The following CLIP4 variants were observed in gnomAD, a reference collection of about 807,000 sequenced individuals.
CLIP4 encodes the protein CAP-Gly domain containing linker protein family member 4.
A neutral mutation model predicts 73.1 loss-of-function variants in CLIP4; 47 were observed. The observed-to-expected ratio is 0.64, with a 90% CI of 0.51 to 0.82. The LOEUF is 0.82. Ranked by LOEUF, CLIP4 falls within the 40% of genes least tolerant of loss-of-function variation. The pLI, the probability that CLIP4 is intolerant of heterozygous loss-of-function variation, is 0.00. For missense variants in CLIP4, 874 were observed against 852.9 expected (o/e 1.02, Z -0.31); for synonymous variants, 306 against 295.4 (o/e 1.04, Z -0.37).
At chr2:29,101,437 G>A (rs535081931) in intron 1 of CLIP4, among the ~76,000 whole-genome samples, 194 of 152,214 alleles carry the variant, frequency 1.3e-3, no homozygotes, top group African/African-American at 3.6e-3. Flanking sequence ...GGAGTCTAAT[G>A]TTCAAGGGCA....
chr2:29,141,050 A>AT lies in CLIP4; in HGVS notation c.649-2651dup, dbSNP rs139172886. 9.7e-3 allele frequency among the ~76,000 whole-genome samples: 1,480 copies of AT among 152,098 alleles called. 16 individuals carry two copies. The highest frequency in any genetic ancestry group is 0.048 in the East Asian group (247 of 5,168). On this transcript the variant is annotated intron_variant, in intron 6 of 15. Coordinates refer to ENST00000320081, the MANE Select transcript of CLIP4 (RefSeq NM_024692.6). ...TCTCTATTTTCATTTGTTTCAAAGG[A>AT]TTTTTTTTGAATTCTGCCTTAATTT... is the stretch of plus-strand genomic sequence containing the variant.
rs754507362 is a variant in CLIP4, at chr2:29,132,158, A to G, written c.280A>G (p.Lys94Glu). 3.1e-6 allele frequency: 5 copies of G among 1,613,038 alleles called. No individual in the cohort carries two copies. In the Admixed American group the frequency reaches 8.3e-5, roughly 27 times the overall value. ...TTTTCCTTGACTGCTTCAGATTCTT[A>G]AGAGAGGTTGCAATGTGAATGATAG... ...NIDIIGNEIL[K>E]RGCNVNDRDG... The change falls in exon 4 of 16, where the codon AAG becomes GAG. Residue 94 changes from lysine (K) to glutamate (E), a missense_variant. Coordinates refer to ENST00000320081, the MANE Select transcript of CLIP4 (RefSeq NM_024692.6).
intron 10 of CLIP4, among the ~76,000 whole-genome samples, 175 bp from the exon 11 acceptor site, chr2:29,157,029 C>T (rs1213216428): frequency 6.6e-6 from 1 of 152,096 alleles, no homozygotes; most frequent in Non-Finnish European, 1.5e-5. Flanking sequence ...GTTATAAAAT[C>T]TTTTATATAT....
chr2:29,175,983 G>T (rs574386652), intron 15 of CLIP4, among the ~76,000 whole-genome samples: 1 of 152,130 alleles, frequency 6.6e-6, no homozygotes, highest in Non-Finnish European at 1.5e-5. Context: ...GGATGGTCTC[G>T]ATCTCCTGAC....
intron 2 of CLIP4, among the ~76,000 whole-genome samples, chr2:29,125,209 C>T (rs1055418071): frequency 6.6e-6 from 1 of 152,130 alleles, no homozygotes; most frequent in Non-Finnish European, 1.5e-5. Flanking sequence ...GTCCCCCTAC[C>T]CCGGCCCCTG....
At chr2:29,114,396 A>C (rs1294834470), upstream of CLIP4, 4 of 152,250 alleles carry the variant, frequency 2.6e-5, no homozygotes, top group African/African-American at 9.6e-5. Context: ...AGTCAGACTT[A>C]AGAGTCCCCA....
At position 29,158,517 on chromosome 2, in the gene CLIP4, G is replaced by T. The variant is rs6753911; in HGVS notation, c.1399+1170G>T. ...GTGAGAAAGAGGACCTTTCAAAGAG[G>T]GAGATGGGCCGAGAATGGGAGATAT... On this transcript the variant is annotated intron_variant, in intron 11 of 15. Coordinates refer to ENST00000320081, the MANE Select transcript of CLIP4 (RefSeq NM_024692.6). Among the ~76,000 whole-genome samples, 1,490 of 152,258 alleles carry T rather than the reference G, an allele frequency of 9.8e-3. 25 individuals are homozygous for T. The highest frequency in any genetic ancestry group is 0.034 in the African/African-American group (1,415 of 41,554).
intron 9 of CLIP4, among the ~76,000 whole-genome samples, chr2:29,153,720 A>G (rs975915782): frequency 1.3e-5 from 2 of 152,200 alleles, no homozygotes; most frequent in African/African-American, 2.4e-5. Flanking sequence ...CTCTACCAGG[A>G]TGAAAGGAAT....
At chr2:29,170,435 A>G (rs975255465) in intron 14 of CLIP4, among the ~76,000 whole-genome samples, 9 of 152,216 alleles carry the variant, frequency 5.9e-5, no homozygotes, top group Non-Finnish European at 1.0e-4. Flanking sequence ...GCCTGTTCAC[A>G]TCTTCTGCTC....
chr2:29,131,409 T>C lies in CLIP4; in HGVS notation c.273+12T>C, dbSNP rs757074289. 1.3e-6 allele frequency: 2 copies of C among 1,584,510 alleles called. No homozygotes were observed. Among genetic ancestry groups the C allele is most frequent in the South Asian group, 1.2e-5 (1 of 84,184 alleles). ...TTATTGGAAATGAGGTAAGGAATTC[T>C]TACATTTTAAGTTTTGCATTGTTAG... On this transcript the variant is annotated intron_variant, in intron 3 of 15. Coordinates refer to ENST00000320081, the MANE Select transcript of CLIP4 (RefSeq NM_024692.6).
intron 1 of CLIP4, among the ~76,000 whole-genome samples, chr2:29,103,495 C>A (rs765801855): frequency 2.0e-5 from 3 of 151,996 alleles, no homozygotes; most frequent in Non-Finnish European, 2.9e-5. Context: ...GTGCTAAATT[C>A]TTTTCATACC....
At chr2:29,173,923 A>G (rs1668169227) in intron 14 of CLIP4, among the ~76,000 whole-genome samples, 2 of 152,142 alleles carry the variant, frequency 1.3e-5, no homozygotes, top group African/African-American at 4.8e-5. Context: ...TTTGACAGTA[A>G]AAATAATCAG....
chr2:29,174,004 G>A (rs1668174521), intron 14 of CLIP4, among the ~76,000 whole-genome samples: 1 of 152,124 alleles, frequency 6.6e-6, no homozygotes, highest in Admixed American at 6.5e-5. Context: ...CAAAAGTAAT[G>A]TCATGCTCTT....
intron 8 of CLIP4, among the ~76,000 whole-genome samples, chr2:29,150,350 A>G: frequency 6.6e-6 from 1 of 152,182 alleles, no homozygotes; most frequent in East Asian, 1.9e-4. Context: ...AGGGTTTACT[A>G]ATACTGAAAA....
chr2:29,116,077 G>T (rs1175479010), intron 1 of CLIP4, among the ~76,000 whole-genome samples: 5 of 152,150 alleles, frequency 3.3e-5, no homozygotes, highest in African/African-American at 9.7e-5. Context: ...CTCCCCTTGC[G>T]CATTAAATTG....
chr2:29,144,980 T>C (rs74457064), intron 7 of CLIP4, among the ~76,000 whole-genome samples: 1,997 of 151,940 alleles, frequency 0.013, 44 homozygotes, highest in African/African-American at 0.045. Context: ...AGGATTCTTA[T>C]GTCTTCTTGG....
upstream of CLIP4, among the ~76,000 whole-genome samples, chr2:29,113,419 A>T (rs1390681129): frequency 6.6e-6 from 1 of 152,070 alleles, no homozygotes; most frequent in African/African-American, 2.4e-5. The surrounding 1 kb of genome is among the most constrained non-coding windows in gnomAD (Gnocchi z 4.0). Context: ...GTCCAGTCTC[A>T]CTCTGGTTAA....
At chr2:29,174,306 A>G (rs1305950831) in intron 14 of CLIP4, 67 bp from the exon 15 acceptor site, 1 of 1,276,418 alleles carries the variant, frequency 7.8e-7, no homozygotes, top group African/African-American at 1.5e-5. Flanking sequence ...GAAGTGATAA[A>G]ATATCATTTT....
At chr2:29,135,697 T>A in intron 6 of CLIP4, 31 bp downstream of exon 6, 1 of 1,431,334 alleles carries the variant, frequency 7.0e-7, no homozygotes, top group Non-Finnish European at 9.7e-7. Flanking sequence ...TGAAAAATAT[T>A]AAAAGAATTA....
Sources: allele counts gnomAD v4.1 joint callset (sites outside exome capture counted in the v4.1 genomes callset), GRCh38; gene constraint gnomAD v4.1.1; non-coding constraint Gnocchi (gnomAD v3.1); transcripts MANE v1.5; gene names NCBI Gene and HGNC (gene_info 2026-07-23, HGNC 2026-07-21).